CFAP70: variants seen among roughly 807,000 people sequenced by gnomAD.
CFAP70 encodes cilia and flagella associated protein 70.
In CFAP70, 81 loss-of-function variants were observed where a neutral mutation model predicts 137.6. The observed-to-expected ratio is 0.59, with a 90% CI of 0.49 to 0.71. The LOEUF is 0.71. Ranked by LOEUF, CFAP70 falls within the 30% of genes least tolerant of loss-of-function variation. The pLI is 0.00. For missense variants in CFAP70, 976 were observed against 1,226.7 expected (o/e 0.80, Z 3.05); for synonymous variants, 382 against 423.6 (o/e 0.90, Z 1.20).
intron 2 of CFAP70, among the ~76,000 whole-genome samples, chr10:73,354,268 G>T (rs529945133): frequency 6.6e-6 from 1 of 152,236 alleles, no homozygotes; most frequent in East Asian, 1.9e-4. Context: ...TTTTATATAT[G>T]CATTTTAAAA....
At chr10:73,268,945 C>T (rs1401047260) in intron 25 of CFAP70, among the ~76,000 whole-genome samples, 3 of 152,056 alleles carry the variant, frequency 2.0e-5, no homozygotes, top group Non-Finnish European at 4.4e-5. Flanking sequence ...CCTCAGCCTC[C>T]CAAATTGCTG....
At chr10:73,348,057 G>T in intron 4 of CFAP70, 99 bp downstream of exon 5, 1 of 1,020,732 alleles carries the variant, frequency 9.8e-7, no homozygotes, top group Non-Finnish European at 1.5e-6. Context: ...AAAAGAAAAT[G>T]CCCAATGCAT....
At chr10:73,297,167 C>G in exon 15 of CFAP70, 2 of 1,611,836 alleles carry the variant, frequency 1.2e-6, no homozygotes, top group Admixed American at 3.3e-5. Context: ...ATCTTTACCA[C>G]AGCATGCTGC....
At chr10:73,291,349 C>T (rs2048167227) in exon 19 of CFAP70, 1 of 1,614,074 alleles carries the variant, frequency 6.2e-7, no homozygotes, top group Non-Finnish European at 8.5e-7. Context: ...TGCTTTGTTA[C>T]TTGTGCCTGA....
intron 12 of CFAP70, among the ~76,000 whole-genome samples, chr10:73,300,678 CAT>C (rs934049068): frequency 6.6e-6 from 1 of 152,042 alleles, no homozygotes; most frequent in African/African-American, 2.4e-5. Flanking sequence ...GCCTGAGAAA[CAT>C]AGTGAAATCC....
chr10:73,259,572 T>C (rs2044921592), intron 25 of CFAP70, among the ~76,000 whole-genome samples: 1 of 152,196 alleles, frequency 6.6e-6, no homozygotes, highest in Non-Finnish European at 1.5e-5. Context: ...CCAGTGATTT[T>C]TCCCACAACT....
rs190890213 is a variant in CFAP70, at chr10:73,314,509, A to C, written c.913-1866T>G. 2.9e-4 allele frequency among the ~76,000 whole-genome samples: 44 copies of C among 152,324 alleles called. No homozygotes were observed. In the East Asian group the frequency reaches 8.3e-3, roughly 29 times the overall value. ...TCATATAAGTGGTATCATACAATACATAGTCTTTTGCATCTGCCTTCTTTC... is the reference window on the plus strand; with the variant it reads ...TCATATAAGTGGTATCATACAATACCTAGTCTTTTGCATCTGCCTTCTTTC... On this transcript the variant is annotated intron_variant, in intron 9 of 26. Transcript: ENST00000310715.
Position 73,274,605 on chromosome 10 carries a change from G to T in CFAP70, c.2674-11C>A. The T allele has an allele frequency of 1.9e-6, 3 of 1,610,730 alleles. No individual in the cohort carries two copies. Among genetic ancestry groups the T allele is most frequent in the Non-Finnish European group, 2.5e-6 (3 of 1,178,798 alleles). ...CCAGACATTGGGGTTCTGGGAAAGT[G>T]AAAAGCAAGTAGTATATGGGATAAG... On this transcript the variant is annotated splice_polypyrimidine_tract_variant and intron_variant, in intron 22 of 26. Transcript: ENST00000310715.
At chr10:73,297,056 C>A (rs2048596626) in exon 15 of CFAP70, 1 of 1,613,524 alleles carries the variant, frequency 6.2e-7, no homozygotes, top group African/African-American at 1.3e-5. Context: ...TTTAGGGCTA[C>A]ATGCATCTGA....
At position 73,296,329 on chromosome 10, in the gene CFAP70, T is replaced by C. The variant is rs550528233; in HGVS notation, c.1644+713A>G. 16 of 152,354 alleles carry C rather than the reference T, an allele frequency of 1.1e-4. No individual in the cohort carries two copies. In the East Asian group the frequency reaches 3.1e-3, roughly 29 times the overall value. 9.4% of individuals were successfully genotyped at this position (152,354 alleles called of 1,614,324 possible). A position where few individuals can be genotyped will look rare whatever the true frequency, so the allele number is the denominator to read the frequency against. The stretch of plus-strand genomic sequence containing the variant: ...GACTGTTCTCTTAATCCTTTGATGC[T>C]GGACACTCCTGTCCTACCTTCTCCA... On this transcript the variant is annotated intron_variant, in intron 15 of 26. Transcript: ENST00000310715.
intron 6 of CFAP70, 89 bp downstream of exon 7, chr10:73,341,310 A>G: frequency 8.6e-7 from 1 of 1,160,860 alleles, no homozygotes; most frequent in Non-Finnish European, 1.2e-6. Flanking sequence ...CAGGTGACAA[A>G]TGTATATAAA....
At chr10:73,278,300 A>T (rs753803399) in exon 20 of CFAP70, 1 of 1,613,918 alleles carries the variant, frequency 6.2e-7, no homozygotes, top group Admixed American at 1.7e-5. Flanking sequence ...AGGATTCTTC[A>T]AGAAATTTGT....
chr10:73,281,658 T>A (rs1427878070), intron 19 of CFAP70, among the ~76,000 whole-genome samples: 1 of 152,098 alleles, frequency 6.6e-6, no homozygotes. Context: ...TTACTGGGTA[T>A]ATATCCAAAA....
chr10:73,290,044 C>CAAAAAAAAAAAAA lies in CFAP70; in HGVS notation c.2239+1169_2239+1181dup, dbSNP rs397847750. Among the ~76,000 whole-genome samples the CAAAAAAAAAAAAA allele has an allele frequency of 7.7e-3, 557 of 72,106 alleles. 14 individuals carry two copies. The highest frequency in any genetic ancestry group is 0.022 in the African/African-American group (487 of 22,512). The allele number at this position is 72,106 out of a possible 152,430, so 47.3% of individuals were successfully genotyped here. On this transcript the variant is annotated intron_variant, in intron 19 of 26. Transcript: ENST00000310715. Reference sequence around the variant, plus strand: ...TGGGTGACAGAGCAAGACTCCATCTCAAAAAAAAAAAAAAAAGACTTGTAG... The same window carrying CAAAAAAAAAAAAA: ...TGGGTGACAGAGCAAGACTCCATCTCAAAAAAAAAAAAAAAAAAAAAAAAAAAAAGACTTGTAG...
At chr10:73,311,665 CAG>C (rs1299540739) in intron 11 of CFAP70, among the ~76,000 whole-genome samples, 167 bp downstream of exon 12, 6 of 152,296 alleles carry the variant, frequency 3.9e-5, no homozygotes, top group South Asian at 2.1e-4. Flanking sequence ...GTTCACTTTA[CAG>C]AGTTTCAACA....
In CFAP70 at chr10:73,274,614, G is replaced by A; in HGVS notation, c.2674-20C>T. The A allele has an allele frequency of 6.2e-7, 1 of 1,607,904 alleles. No individual in the cohort carries two copies. The highest frequency in any genetic ancestry group is 1.3e-5 in the African/African-American group (1 of 74,760). Reference sequence around the variant, plus strand: ...GGGGTTCTGGGAAAGTGAAAAGCAAGTAGTATATGGGATAAGGTAGTATTT... The same window carrying A: ...GGGGTTCTGGGAAAGTGAAAAGCAAATAGTATATGGGATAAGGTAGTATTT... On this transcript the variant is annotated intron_variant, in intron 22 of 26. Transcript: ENST00000310715.
At chr10:73,310,037 T>C in intron 12 of CFAP70, 121 bp downstream of exon 13, 2 of 575,772 alleles carry the variant, frequency 3.5e-6, no homozygotes, top group Non-Finnish European at 3.0e-6. Context: ...AAACTTCATC[T>C]AGAAAAAAAC....
chr10:73,277,284 A>C, exon 21 of CFAP70: 1 of 1,614,136 alleles, frequency 6.2e-7, no homozygotes, highest in East Asian at 2.2e-5. Context: ...GTCTCCATGA[A>C]GATGGTGGTA....
chr10:73,335,589 G>A, intron 6 of CFAP70, 65 bp from the exon 8 acceptor site: 2 of 1,149,684 alleles, frequency 1.7e-6, no homozygotes, highest in Non-Finnish European at 2.5e-6. Flanking sequence ...TCCATCTATA[G>A]GGCATTCTTT....
Sources: allele counts gnomAD v4.1 joint callset (sites outside exome capture counted in the v4.1 genomes callset), GRCh38; gene constraint gnomAD v4.1.1; transcripts MANE v1.5; gene names NCBI Gene and HGNC (gene_info 2026-07-23, HGNC 2026-07-21).